The following YJU2 variants were observed in gnomAD, a reference collection of about 807,000 sequenced individuals.
The protein encoded by YJU2 is YJU2 splicing factor homolog.
In YJU2, 28 loss-of-function variants were observed where a neutral mutation model predicts 39.6. That is an observed-to-expected ratio of 0.71 (90% CI 0.52 to 0.97). The LOEUF (loss-of-function observed/expected upper bound fraction) is 0.97. Among genes scored for constraint, YJU2 ranks in the 50% least tolerant of loss-of-function variants. The pLI is 0.00. For synonymous variants in YJU2, 184 were observed against 182.4 expected, an observed-to-expected ratio of 1.01 and a Z score of -0.07; for missense variants, 328 against 430.4, an observed-to-expected ratio of 0.76 and a Z score of 2.11.
rs917657205 is a variant in YJU2 at position 4,258,412 on chromosome 19, G to A, written c.576G>A (p.Glu192=). 1.3e-6 allele frequency: 2 copies of A among 1,587,322 alleles called. No individual in the cohort carries two copies. Among genetic ancestry groups the A allele is most frequent in the East Asian group, 4.5e-5 (2 of 44,046 alleles). Residue 192 remains glutamate (E), a synonymous_variant, in exon 5 of 8, where the codon GAG becomes GAA. Transcript: ENST00000262962. ...GGAGGCAGCAGCAGGAGGAGGACGA[G>A]CAGGAGACCGCGTGAGTCAGGGCCG... ...ERRRQQQEED[E]QETAALLEEA...
At chr19:4,247,481 G>A (rs1385120291) in intron 1 of YJU2, 2 of 243,490 alleles carry the variant, frequency 8.2e-6, no homozygotes, top group African/African-American at 2.3e-5. Flanking sequence ...GCTGGCGGCC[G>A]TGTTTTGCCC....
intron 6 of YJU2, among the ~76,000 whole-genome samples, chr19:4,266,982 A>G (rs1971120629): frequency 6.6e-6 from 1 of 152,138 alleles, no homozygotes; most frequent in African/African-American, 2.4e-5. Flanking sequence ...AAATTTTTTT[A>G]ATAATATAGA....
chr19:4,249,101 T>TGTCCTGCGAGTCC (rs1970954469), intron 1 of YJU2, 127 bp from the exon 2 acceptor site: 2 of 628,284 alleles, frequency 3.2e-6, no homozygotes, highest in South Asian at 3.7e-5. Flanking sequence ...GAGTCCTCCC[T>TGTCCTGCGAGTCC]GCCTGTCGCG....
rs1367492173 is a variant in YJU2, at chr19:4,252,926, C to CA, written c.271-1422dup. ...GAGTGACAGAGTGAGACCCTGTCTGCAAAAAAACAAACAAAAACTTTTTTT... is the reference window on the plus strand; with the variant it reads ...GAGTGACAGAGTGAGACCCTGTCTGCAAAAAAAACAAACAAAAACTTTTTTT... On this transcript the variant is annotated intron_variant, in intron 3 of 7. Coordinates refer to ENST00000262962, the MANE Select transcript of YJU2 (RefSeq NM_018074.6). Among the ~76,000 whole-genome samples the CA allele has an allele frequency of 2.0e-5, 3 of 151,488 alleles. No homozygotes were observed. The East Asian group carries it at 5.8e-4, about 29-fold the overall frequency.
At chr19:4,261,910 A>T in intron 5 of YJU2, 84 bp from the exon 6 acceptor site, 1 of 1,467,784 alleles carries the variant, frequency 6.8e-7, no homozygotes, top group East Asian at 2.3e-5. Flanking sequence ...CCAGGCACCC[A>T]GGCCCCTCGC....
At position 4,247,120 on chromosome 19, in the gene YJU2, T is replaced by G. The variant is rs1301329187; in HGVS notation, c.-27T>G. On this transcript the variant is annotated 5_prime_UTR_variant, in exon 1 of 8. Transcript: ENST00000262962. Reference sequence around the variant, plus strand: ...TTACCCAGCCTAACCATTTCTCAGGTGCTTGCGAGGTGATCAGAAGGCAAA... The same window carrying G: ...TTACCCAGCCTAACCATTTCTCAGGGGCTTGCGAGGTGATCAGAAGGCAAA... 1 of 1,612,076 alleles carries G rather than the reference T, an allele frequency of 6.2e-7. No homozygotes were observed. Among genetic ancestry groups the G allele is most frequent in the Admixed American group, 1.7e-5 (1 of 60,006 alleles).
At chr19:4,268,241 G>A (rs745326722) in intron 7 of YJU2, among the ~76,000 whole-genome samples, 18 of 152,166 alleles carry the variant, frequency 1.2e-4, no homozygotes, top group Non-Finnish European at 2.2e-4. Context: ...CACCGCGCCC[G>A]GCCTGTTTTT....
chr19:4,248,730 C>T (rs1341399772), intron 1 of YJU2, among the ~76,000 whole-genome samples: 2 of 152,072 alleles, frequency 1.3e-5, no homozygotes, highest in Non-Finnish European at 2.9e-5. Flanking sequence ...ACTAGCCTGG[C>T]CAACATGGTG....
In YJU2 at chr19:4,250,994, A is replaced by T. The variant is rs3803908; in HGVS notation, c.126-33A>T. Reference sequence around the variant, plus strand: ...CCTGCCAGTGGGAGCCAGCGTCCCAAGACAGCTCACATCCCTACATGCTGC... The same window carrying T: ...CCTGCCAGTGGGAGCCAGCGTCCCATGACAGCTCACATCCCTACATGCTGC... On this transcript the variant is annotated intron_variant, in intron 2 of 7. Transcript: ENST00000262962. 4 of 1,603,982 alleles carry T rather than the reference A, an allele frequency of 2.5e-6. No individual in the cohort carries two copies. In the South Asian group the frequency reaches 3.3e-5, roughly 13 times the overall value.
intron 7 of YJU2, among the ~76,000 whole-genome samples, chr19:4,268,130 A>C (rs1971132170): frequency 6.6e-6 from 1 of 151,736 alleles, no homozygotes; most frequent in Non-Finnish European, 1.5e-5. Flanking sequence ...TTATTAGTAG[A>C]GGTGGGATTT....
Position 4,258,337 on chromosome 19 carries a change from G to A in YJU2, c.501G>A (p.Val167=). Residue 167 remains valine (V), a synonymous_variant, in exon 5 of 8, where the codon GTG becomes GTA. Transcript: ENST00000262962. ...ACCTGAACCAGCGGCAGGCGCACGT[G>A]GACTTCGAGGCTATGCTGAGGCAGC... ...LKDLNQRQAH[V]DFEAMLRQHR... is the part of the protein sequence containing the mutation. 1 of 1,587,772 alleles carries A rather than the reference G, an allele frequency of 6.3e-7. No homozygotes were observed. The highest frequency in any genetic ancestry group is 2.3e-5 in the East Asian group (1 of 43,950).
intron 2 of YJU2, among the ~76,000 whole-genome samples, chr19:4,249,637 G>GT (rs1359802282): frequency 6.6e-6 from 1 of 151,634 alleles, no homozygotes; most frequent in African/African-American, 2.4e-5. Context: ...AGCCAAGCTC[G>GT]TTCCTACCCC....
rs369558139 is a variant in YJU2 at position 4,258,237 on chromosome 19, G to A, written c.406-5G>A. 72 of 1,551,256 alleles carry A rather than the reference G, an allele frequency of 4.6e-5. No individual in the cohort carries two copies. The highest frequency in any genetic ancestry group is 1.6e-4 in the African/African-American group (12 of 73,232). On this transcript the variant is annotated splice_region_variant and splice_polypyrimidine_tract_variant and intron_variant, in intron 4 of 7. Coordinates refer to ENST00000262962, the MANE Select transcript of YJU2 (RefSeq NM_018074.6). ...CACTCAGCCCCGCCGCCCCGCGCCC[G>A]CCAGGTGCTGGAGAACCGGACCAAG...
In YJU2 at chr19:4,268,806, G is replaced by A. The variant is rs912515142; in HGVS notation, c.*110G>A. 38 of 765,050 alleles carry A rather than the reference G, an allele frequency of 5.0e-5. No homozygotes were observed. Among genetic ancestry groups the A allele is most frequent in the Non-Finnish European group, 6.7e-5 (31 of 459,444 alleles). 47.4% of individuals were successfully genotyped at this position (765,050 alleles called of 1,614,324 possible). Reference sequence around the variant, plus strand: ...GGAGGCCTTGGCGTGACTGGAGGCCGGACAGACAAGCGCCAGCGTGCTCCA... The same window carrying A: ...GGAGGCCTTGGCGTGACTGGAGGCCAGACAGACAAGCGCCAGCGTGCTCCA... On this transcript the variant is annotated 3_prime_UTR_variant, in exon 8 of 8. Coordinates refer to ENST00000262962, the MANE Select transcript of YJU2 (RefSeq NM_018074.6).
At chr19:4,267,129 T>G (rs1038575815) in intron 6 of YJU2, among the ~76,000 whole-genome samples, 11 of 152,148 alleles carry the variant, frequency 7.2e-5, no homozygotes, top group African/African-American at 2.7e-4. Flanking sequence ...AGGAACTGTT[T>G]GTGGCACCGC....
intron 2 of YJU2, 60 bp downstream of exon 2, chr19:4,249,388 A>G: frequency 2.6e-6 from 3 of 1,138,636 alleles, no homozygotes; most frequent in Non-Finnish European, 3.9e-6. Context: ...AGTGCCTGGC[A>G]TCCACAGAGG....
Position 4,247,101 on chromosome 19 carries a change from A to C in YJU2, c.-46A>C. The C allele has an allele frequency of 6.3e-7, 1 of 1,596,588 alleles. No homozygotes were observed. Among genetic ancestry groups the C allele is most frequent in the Non-Finnish European group, 8.6e-7 (1 of 1,164,018 alleles). On this transcript the variant is annotated 5_prime_UTR_variant, in exon 1 of 8. Coordinates refer to ENST00000262962, the MANE Select transcript of YJU2 (RefSeq NM_018074.6). ...CGTCGGAAAAGCTCGATAATTACCC[A>C]GCCTAACCATTTCTCAGGTGCTTGC...
At chr19:4,249,023 G>A (rs1970953801) in intron 1 of YJU2, among the ~76,000 whole-genome samples, 1 of 152,152 alleles carries the variant, frequency 6.6e-6, no homozygotes, top group Non-Finnish European at 1.5e-5. Flanking sequence ...AATGCGTCCT[G>A]TATAACTCCA....
At chr19:4,247,571 GTGGGGTGGCGCGTGTGTGTGTGTGTGT>G (rs1970931019) in intron 1 of YJU2, among the ~76,000 whole-genome samples, 3 of 89,470 alleles carry the variant, frequency 3.4e-5, no homozygotes, top group African/African-American at 1.8e-4. Context: ...GTGGGGTGGG[GTGGGGTGGCGCGTGTGTGTGTGTGTGT>G]GTGTGTGTGT....
Sources: allele counts gnomAD v4.1 joint callset (sites outside exome capture counted in the v4.1 genomes callset), GRCh38; gene constraint gnomAD v4.1.1; transcripts MANE v1.5; gene names NCBI Gene and HGNC (gene_info 2026-07-23, HGNC 2026-07-21).